The following RHOT2 variants were observed in gnomAD, a reference collection of about 807,000 sequenced individuals.
RHOT2 encodes the protein mitochondrial Rho GTPase 2.
Under a neutral mutation model 81.6 loss-of-function variants are expected in RHOT2, and 90 were observed. The ratio of observed to expected loss-of-function variants is 1.10; its 90% CI spans 0.93 to 1.31. RHOT2 has a LOEUF of 1.31. RHOT2 is among the 40% of genes most tolerant of loss of function. The pLI is 0.00. For missense variants in RHOT2, 1,014 were observed against 841.9 expected, an observed-to-expected ratio of 1.20 and a Z score of -2.53; for synonymous variants, 512 against 370.9, an observed-to-expected ratio of 1.38 and a Z score of -4.37.
rs367704400 is a variant in RHOT2, at chr16:672,812, C to T, written c.1514C>T (p.Ala505Val). The stretch of plus-strand genomic sequence containing the variant: ...GACCCAAAGTCCTTTGCACATTGTG[C>T]CAGCGTCTACAAGGTGGGGCCCTGC... ...GSDPKSFAHCASVYKHHYMDG... is the reference protein window; with the variant it reads ...GSDPKSFAHCVSVYKHHYMDG... Residue 505 changes from alanine (A) to valine (V), a missense_variant, in exon 17 of 19, where the codon GCC becomes GTC. Coordinates refer to ENST00000315082, the MANE Select transcript of RHOT2 (RefSeq NM_138769.3). 2.5e-6 allele frequency: 4 copies of T among 1,612,464 alleles called. No homozygotes were observed. Among genetic ancestry groups the T allele is most frequent in the African/African-American group, 2.7e-5 (2 of 74,944 alleles).
intron 4 of RHOT2, 136 bp from the exon 5 acceptor site, chr16:669,417 C>T (rs1458573780): frequency 4.9e-6 from 4 of 811,348 alleles, no homozygotes; most frequent in East Asian, 2.7e-5. Context: ...GCTGGGCTTT[C>T]CCGGCCTCAG....
At chr16:670,010 C>T (rs1347805605) in intron 5 of RHOT2, 113 bp from the exon 6 acceptor site, 3 of 980,288 alleles carry the variant, frequency 3.1e-6, no homozygotes, top group Non-Finnish European at 4.5e-6. Flanking sequence ...GGACTTGGGC[C>T]CTCAGTGGGC....
intron 18 of RHOT2, 100 bp from the exon 19 acceptor site, chr16:673,380 C>T (rs1039378871): frequency 2.2e-5 from 34 of 1,560,930 alleles, no homozygotes; most frequent in African/African-American, 8.2e-5. Flanking sequence ...CTGGGATCCC[C>T]GCCTGTGGGG....
chr16:670,280 G>C lies in RHOT2; in HGVS notation c.361G>C (p.Asp121His), dbSNP rs1481048125. ...VPIILVGNKSDLRSGSSMEAV... is the reference protein window; with the variant it reads ...VPIILVGNKSHLRSGSSMEAV... ...CATCATCCTAGTGGGCAACAAGTCAGACCTGCGGTCGGGGAGCTCCATGGA... is the reference window on the plus strand; with the variant it reads ...CATCATCCTAGTGGGCAACAAGTCACACCTGCGGTCGGGGAGCTCCATGGA... The change falls in exon 7 of 19, where the codon GAC becomes CAC. Residue 121 changes from aspartate (D) to histidine (H), a missense_variant. Asp to His is a moderately conservative substitution (Grantham distance 81). Coordinates refer to ENST00000315082, the MANE Select transcript of RHOT2 (RefSeq NM_138769.3). 3 of 1,612,792 alleles carry C rather than the reference G, an allele frequency of 1.9e-6. No homozygotes were observed. The highest frequency in any genetic ancestry group is 1.7e-6 in the Non-Finnish European group (2 of 1,179,954).
chr16:673,229 C>A, intron 18 of RHOT2, 99 bp downstream of exon 18: 8 of 1,391,884 alleles, frequency 5.7e-6, no homozygotes, highest in Non-Finnish European at 7.9e-6. Flanking sequence ...CTAGCAGTGT[C>A]TGTCATCCGA....
chr16:673,715 C>A lies in RHOT2; in HGVS notation c.*109C>A. 1 of 1,387,770 alleles carries A rather than the reference C, an allele frequency of 7.2e-7. No homozygotes were observed. Among genetic ancestry groups the A allele is most frequent in the Non-Finnish European group, 9.8e-7 (1 of 1,022,806 alleles). The allele number at this position is 1,387,770 out of a possible 1,614,324, so 86.0% of individuals were successfully genotyped here. On this transcript the variant is annotated 3_prime_UTR_variant, in exon 19 of 19. Transcript: ENST00000315082. Reference sequence around the variant, plus strand: ...GGCCAGGCTGCCACTCCGGGAACGCCTTTGCGCCGGGACTTTTTGTTTCTG... The same window carrying A: ...GGCCAGGCTGCCACTCCGGGAACGCATTTGCGCCGGGACTTTTTGTTTCTG...
chr16:668,866 G>A (rs1244312199), intron 4 of RHOT2, 167 bp downstream of exon 4: 1 of 643,734 alleles, frequency 1.6e-6, no homozygotes, highest in Non-Finnish European at 2.6e-6. Context: ...CCCGCTGGGA[G>A]CCGGCACCGC....
In RHOT2 at chr16:671,579, C is replaced by T. The variant is rs764287989; in HGVS notation, c.870-118C>T. On this transcript the variant is annotated intron_variant, in intron 11 of 18. Transcript: ENST00000315082. ...CTGCAAGGTCGGGGGCGTACAGGAG[C>T]CTCTGGGTCCTGTAGGGAGGGTCCG... 7 of 1,137,764 alleles carry T rather than the reference C, an allele frequency of 6.2e-6. 1 individual carries two copies. The highest frequency in any genetic ancestry group is 8.9e-6 in the Non-Finnish European group (7 of 783,970). The allele number at this position is 1,137,764 out of a possible 1,614,324, so 70.5% of individuals were successfully genotyped here.
intron 4 of RHOT2, chr16:669,171 A>G (rs2038464475): frequency 5.0e-6 from 2 of 396,580 alleles, no homozygotes; most frequent in East Asian, 5.1e-5. Context: ...GGGGGGAGGC[A>G]GGGGCCAAGG....
At chr16:673,165 A>G (rs1187945512) in intron 18 of RHOT2, 35 bp downstream of exon 18, 2 of 1,596,906 alleles carry the variant, frequency 1.3e-6, no homozygotes, top group Non-Finnish European at 1.7e-6. Context: ...GGGGACTAGC[A>G]GTGTCTGTCA....
At chr16:669,409 TG>T in intron 4 of RHOT2, 143 bp from the exon 5 acceptor site, 1 of 754,640 alleles carries the variant, frequency 1.3e-6, no homozygotes, top group Non-Finnish European at 2.2e-6. Context: ...TAGGGAAGGC[TG>T]GGCTTTCCCG....
Position 672,700 on chromosome 16 carries a change from C to G in RHOT2, c.1405-3C>G, listed in dbSNP as rs929361240. The G allele has an allele frequency of 3.7e-6, 6 of 1,612,146 alleles. No homozygotes were observed. The South Asian group carries it at 6.6e-5, about 18-fold the overall frequency. On this transcript the variant is annotated splice_region_variant and splice_polypyrimidine_tract_variant and intron_variant, in intron 16 of 18. Coordinates refer to ENST00000315082, the MANE Select transcript of RHOT2 (RefSeq NM_138769.3). ...CCCTTCCTAAGGCCGCTGTCTGTCC[C>G]AGCTCTGTGAGGTGGGCACAGATGG... is the stretch of plus-strand genomic sequence containing the variant.
At chr16:669,160 AG>A in intron 4 of RHOT2, 5 of 389,944 alleles carry the variant, frequency 1.3e-5, no homozygotes, top group South Asian at 6.1e-5. Context: ...GTCTGTAGCG[AG>A]GGGGGAGGCA....
At position 670,105 on chromosome 16, in the gene RHOT2, C is replaced by T. The variant is rs1165393067; in HGVS notation, c.277-18C>T. On this transcript the variant is annotated intron_variant, in intron 5 of 18. Transcript: ENST00000315082. The stretch of plus-strand genomic sequence containing the variant: ...GCCCGCGGGCAGCCTCACTTCACAG[C>T]CAGGCTTTGCTTTTCAGATTCGAAC... 3 of 1,550,152 alleles carry T rather than the reference C, an allele frequency of 1.9e-6. No individual in the cohort carries two copies. The highest frequency in any genetic ancestry group is 1.4e-5 in the African/African-American group (1 of 72,340).
intron 4 of RHOT2, 65 bp downstream of exon 4, chr16:668,764 C>T (rs1300533941): frequency 1.3e-6 from 2 of 1,497,860 alleles, no homozygotes; most frequent in Non-Finnish European, 9.0e-7. Flanking sequence ...GCTTCGCAGC[C>T]TGGGGGATTG....
Position 668,706 on chromosome 16 carries a change from G to T in RHOT2, c.222+7G>T, listed in dbSNP as rs776713604. On this transcript the variant is annotated splice_region_variant and intron_variant, in intron 4 of 18. Coordinates refer to ENST00000315082, the MANE Select transcript of RHOT2 (RefSeq NM_138769.3). ...GCGGGAGGAGATCCACAAGGTACCC[G>T]TGGTGCGCGGGACGAGGGAGGGGCT... 10 of 1,593,352 alleles carry T rather than the reference G, an allele frequency of 6.3e-6. No individual in the cohort carries two copies. The highest frequency in any genetic ancestry group is 1.1e-5 in the South Asian group (1 of 88,466).
rs961652354 is a variant in RHOT2 at position 669,868 on chromosome 16, A to T, written c.277-255A>T. ...TCCAAACCCCCGGGGGGGGACCCGC[A>T]GAGGGCCTGCGTTGGGGGCGGCCCT... On this transcript the variant is annotated intron_variant, in intron 5 of 18. Coordinates refer to ENST00000315082, the MANE Select transcript of RHOT2 (RefSeq NM_138769.3). The T allele has an allele frequency of 8.2e-6, 5 of 613,082 alleles. No homozygotes were observed. In the Admixed American group the frequency reaches 1.5e-4, roughly 18 times the overall value. 38.0% of individuals were successfully genotyped at this position (613,082 alleles called of 1,614,324 possible). A position where few individuals can be genotyped will look rare whatever the true frequency, so the allele number is the denominator to read the frequency against.
intron 11 of RHOT2, 87 bp downstream of exon 11, chr16:671,290 G>A: frequency 6.7e-7 from 1 of 1,484,866 alleles, no homozygotes; most frequent in South Asian, 1.4e-5. Context: ...AGTGACGCTG[G>A]GGTTTGAGGC....
intron 4 of RHOT2, 91 bp downstream of exon 4, chr16:668,790 G>A: frequency 7.3e-7 from 1 of 1,365,120 alleles, no homozygotes; most frequent in Non-Finnish European, 9.9e-7. Flanking sequence ...AGGTGCTCCG[G>A]GTGTCCTTGG....
Sources: allele counts gnomAD v4.1 joint callset, GRCh38; gene constraint gnomAD v4.1.1; transcripts MANE v1.5; gene names NCBI Gene and HGNC (gene_info 2026-07-23, HGNC 2026-07-21).